The following CCAR1 variants were observed in gnomAD, a reference collection of about 807,000 sequenced individuals.
CCAR1 encodes cell division cycle and apoptosis regulator protein 1.
Under a neutral mutation model 163.8 loss-of-function variants are expected in CCAR1, and 78 were observed. That is an observed-to-expected ratio of 0.48 (90% CI 0.40 to 0.57). The LOEUF (loss-of-function observed/expected upper bound fraction) is 0.57, where lower values mean the gene tolerates loss of function less well. Among genes scored for constraint, CCAR1 ranks in the 20% least tolerant of loss-of-function variants. The pLI is 0.00. For synonymous variants in CCAR1, 443 were observed against 460.7 expected (o/e 0.96, Z 0.49); for missense variants, 1,019 against 1,365.2 (o/e 0.75, Z 4.00).
At chr10:68,766,186 GT>G (rs138575452) in intron 17 of CCAR1, 107 bp downstream of exon 17, 16 of 716,868 alleles carry the variant, frequency 2.2e-5, no homozygotes, top group Non-Finnish European at 3.3e-5. Flanking sequence ...GCTTTTCGTG[GT>G]TTTTTTTGTT....
At chr10:68,779,236 T>C (rs746181070) in intron 19 of CCAR1, among the ~76,000 whole-genome samples, 42 of 149,616 alleles carry the variant, frequency 2.8e-4, no homozygotes, top group Non-Finnish European at 5.9e-4. Flanking sequence ...TGTTAGTAAT[T>C]AGGAGAGCAG....
chr10:68,749,527 TGAGA>T lies in CCAR1; in HGVS notation c.971_974del (p.Arg324LysfsTer47). 8 of 1,593,806 alleles carry T rather than the reference TGAGA, an allele frequency of 5.0e-6. No individual in the cohort carries two copies. The highest frequency in any genetic ancestry group is 6.8e-6 in the Non-Finnish European group (8 of 1,169,068). ...TTTTAGAAAAATTTGCTTTCAGTCG[TGAGA>T]GAGAGAGAGAAAGACGTAGATCGAG... is the stretch of plus-strand genomic sequence containing the variant. On this transcript the variant is annotated frameshift_variant, in exon 10 of 25. Transcript: ENST00000265872.
rs886931637 is a variant in CCAR1 at position 68,735,731 on chromosome 10, C to T, written c.74-1145C>T. 55 of 152,172 alleles carry T rather than the reference C, an allele frequency of 3.6e-4. 1 individual carries two copies. Among genetic ancestry groups the T allele is most frequent in the African/African-American group, 1.3e-3 (53 of 41,444 alleles). 9.4% of individuals were successfully genotyped at this position (152,172 alleles called of 1,614,324 possible). On this transcript the variant is annotated intron_variant, in intron 2 of 24. Transcript: ENST00000265872. The stretch of plus-strand genomic sequence containing the variant: ...TACATTTTTTTCTTCAAAGACTAGA[C>T]AAGCATTGTAATCAGAAGGGGAAGA...
chr10:68,780,737 A>C lies in CCAR1; in HGVS notation c.2651-5399A>C, dbSNP rs140526037. On this transcript the variant is annotated intron_variant, in intron 19 of 24. Transcript: ENST00000265872. ...TATTTCCAGCTTTTTCATTATTACTATGTCTGTTTTGGTGATCTGTGATCA... is the reference window on the plus strand; with the variant it reads ...TATTTCCAGCTTTTTCATTATTACTCTGTCTGTTTTGGTGATCTGTGATCA... 1.3e-4 allele frequency among the ~76,000 whole-genome samples: 20 copies of C among 152,086 alleles called. No individual in the cohort carries two copies. In the East Asian group the frequency reaches 3.5e-3, roughly 26 times the overall value.
intron 21 of CCAR1, chr10:68,786,906 G>A (rs531628429): frequency 2.1e-5 from 8 of 383,378 alleles, no homozygotes; most frequent in Admixed American, 5.0e-5. Flanking sequence ...CCAACATGGC[G>A]TAGCTCCGTC....
chr10:68,756,501 C>G lies in CCAR1; in HGVS notation c.1836+18C>G. 1.3e-6 allele frequency: 2 copies of G among 1,577,012 alleles called. No individual in the cohort carries two copies. The highest frequency in any genetic ancestry group is 1.3e-5 in the African/African-American group (1 of 74,136). On this transcript the variant is annotated intron_variant, in intron 14 of 24. Transcript: ENST00000265872. This position sits in a 1 kb window ranked among gnomAD's most constrained non-coding sequence, Gnocchi z 5.1. Reference sequence around the variant, plus strand: ...GAGAACAGGCACTGAACGCTAATCCCTTTTTCTATTTCCGCTTCTCACAGG... The same window carrying G: ...GAGAACAGGCACTGAACGCTAATCCGTTTTTCTATTTCCGCTTCTCACAGG...
At chr10:68,791,181 T>A (rs1028991458) in intron 24 of CCAR1, 26 bp from the exon 25 acceptor site, 5 of 1,374,148 alleles carry the variant, frequency 3.6e-6, no homozygotes, top group Non-Finnish European at 5.1e-6. Flanking sequence ...ATAAAATGTA[T>A]TTTTTCCTTC....
intron 17 of CCAR1, 128 bp from the exon 18 acceptor site, chr10:68,771,077 CA>C (rs1055958824): frequency 0.084 from 44,950 of 535,944 alleles, no homozygotes; most frequent in South Asian, 0.13. Flanking sequence ...GACTCCATCT[CA>C]AAAAAAAAAA....
rs189461263 is a variant in CCAR1 at position 68,776,065 on chromosome 10, G to A, written c.2650+2966G>A. Reference sequence around the variant, plus strand: ...AGGATGGTCTTGATCTCCTGACCTCGTGATTTACCCGCCTCAGCCTCCCAA... The same window carrying A: ...AGGATGGTCTTGATCTCCTGACCTCATGATTTACCCGCCTCAGCCTCCCAA... On this transcript the variant is annotated intron_variant, in intron 19 of 24. Transcript: ENST00000265872. Among the ~76,000 whole-genome samples the A allele has an allele frequency of 2.9e-3, 442 of 151,810 alleles. 3 individuals are homozygous for A. Among genetic ancestry groups the A allele is most frequent in the African/African-American group, 9.9e-3 (412 of 41,422 alleles).
chr10:68,751,925 T>TG (rs200673811), intron 10 of CCAR1, among the ~76,000 whole-genome samples: 4,310 of 148,714 alleles, frequency 0.029, 98 homozygotes, highest in African/African-American at 0.051. Context: ...TTTTTGTTTT[T>TG]TTTTTTTTTG....
intron 19 of CCAR1, among the ~76,000 whole-genome samples, chr10:68,776,118 T>C (rs1172954162): frequency 1.3e-5 from 2 of 152,142 alleles, no homozygotes; most frequent in African/African-American, 4.8e-5. Flanking sequence ...CATGAGCCAC[T>C]GACCCCAGCC....
At chr10:68,723,230 T>C (rs1407086259) in intron 2 of CCAR1, among the ~76,000 whole-genome samples, 1 of 151,364 alleles carries the variant, frequency 6.6e-6, no homozygotes, top group Non-Finnish European at 1.5e-5. Context: ...CACGCCATTC[T>C]CCTGCCTCAG....
At chr10:68,761,906 A>G (rs7904989) in intron 16 of CCAR1, among the ~76,000 whole-genome samples, 12,108 of 152,200 alleles carry the variant, frequency 0.08, 1,346 homozygotes, top group African/African-American at 0.25. Context: ...CCGGCCATGC[A>G]TATGCGTTTA....
At chr10:68,722,778 C>A (rs572497472) in intron 2 of CCAR1, among the ~76,000 whole-genome samples, 1 of 152,004 alleles carries the variant, frequency 6.6e-6, no homozygotes, top group African/African-American at 2.4e-5. Context: ...TAAAATTAGC[C>A]GGGCCTGGTG....
chr10:68,754,534 C>T (rs551635907), intron 11 of CCAR1, among the ~76,000 whole-genome samples, 180 bp from the exon 12 acceptor site: 11 of 152,338 alleles, frequency 7.2e-5, no homozygotes, highest in Non-Finnish European at 1.5e-4. Flanking sequence ...CGTGGTGGCT[C>T]ACGCCTGTAA....
chr10:68,756,265 T>TG lies in CCAR1; in HGVS notation c.1626-7dup. 3 of 1,610,560 alleles carry TG rather than the reference T, an allele frequency of 1.9e-6. No homozygotes were observed. The highest frequency in any genetic ancestry group is 2.5e-6 in the Non-Finnish European group (3 of 1,177,334). ...TTTTTTTCCAACATGCTTCTTCCCT[T>TG]GCAACAGGTACCGTTTTGCAGAGAT... is the stretch of plus-strand genomic sequence containing the variant. On this transcript the variant is annotated splice_region_variant and splice_polypyrimidine_tract_variant and intron_variant, in intron 13 of 24. Transcript: ENST00000265872. The surrounding 1 kb of genome is among the most constrained non-coding windows in gnomAD (Gnocchi z 5.1).
chr10:68,737,784 T>C (rs2056131149), intron 3 of CCAR1, 61 bp from the exon 4 acceptor site: 3 of 937,466 alleles, frequency 3.2e-6, no homozygotes, highest in Non-Finnish European at 5.0e-6. Flanking sequence ...TATCACTTTT[T>C]GAGAATGAAT....
intron 24 of CCAR1, among the ~76,000 whole-genome samples, chr10:68,790,864 CAAAA>C (rs758116859): frequency 2.7e-5 from 3 of 111,238 alleles, no homozygotes; most frequent in Non-Finnish European, 3.8e-5. Flanking sequence ...GACTCTGTCT[CAAAA>C]AAAAAAAAAA....
chr10:68,774,963 G>A (rs1462043932), intron 19 of CCAR1: 1 of 381,312 alleles, frequency 2.6e-6, no homozygotes, highest in South Asian at 1.9e-5. Flanking sequence ...TTGTGTCTCT[G>A]GCAATTACTT....
Sources: gnomAD v4.1 joint callset for allele counts (sites outside exome capture counted in the v4.1 genomes callset) on GRCh38, gnomAD v4.1.1 for gene constraint, Gnocchi (gnomAD v3.1) non-coding constraint, MANE v1.5 for transcripts, NCBI Gene and HGNC (gene_info 2026-07-23, HGNC 2026-07-21) for gene names.